Variants in EXD2 observed in about 807,000 individuals in gnomAD.
EXD2 encodes exonuclease 3'-5' domain containing 2, also known as exonuclease 3'-5' domain-containing protein 2.
Under a neutral mutation model 62.5 loss-of-function variants are expected in EXD2, and 40 were observed. The ratio of observed to expected loss-of-function variants is 0.64; its 90% CI spans 0.50 to 0.83. The LOEUF (loss-of-function observed/expected upper bound fraction) is 0.83, where lower values mean the gene tolerates loss of function less well. Ranked by LOEUF, EXD2 falls within the 40% of genes least tolerant of loss-of-function variation. EXD2 has a pLI of 0.00. For missense variants in EXD2, 671 were observed against 761.8 expected, an observed-to-expected ratio of 0.88 and a Z score of 1.40; for synonymous variants, 239 against 291.9, an observed-to-expected ratio of 0.82 and a Z score of 1.85.
intron 3 of EXD2, among the ~76,000 whole-genome samples, chr14:69,215,775 A>G (rs1343128707): frequency 1.3e-5 from 2 of 149,366 alleles, no homozygotes; most frequent in African/African-American, 2.5e-5. Context: ...TCATTTAGAT[A>G]TCCTCTTTTA....
chr14:69,232,859 T>A (rs2140021243), intron 5 of EXD2, among the ~76,000 whole-genome samples: 1 of 152,358 alleles, frequency 6.6e-6, no homozygotes, highest in South Asian at 2.1e-4. Flanking sequence ...CAATAGTTTT[T>A]AATTTTGATG....
Position 69,230,493 on chromosome 14 carries a change from G to C in EXD2, c.612G>C (p.Gly204=). ...MRQRNNLLCN[G]LSLKSLAETV... Reference sequence around the variant, plus strand: ...TTAGAAACAATTTGCTCTGTAATGGGCTTAGCCTGAAGTCCCTCGCTGAGA... The same window carrying C: ...TTAGAAACAATTTGCTCTGTAATGGCCTTAGCCTGAAGTCCCTCGCTGAGA... Residue 204 remains glycine (G), a synonymous_variant, in exon 5 of 10, where the codon GGG becomes GGC. Transcript: ENST00000685843. 6.2e-7 allele frequency: 1 copy of C among 1,612,792 alleles called. No homozygotes were observed.
chr14:69,201,010 G>A (rs1453623483), intron 1 of EXD2, among the ~76,000 whole-genome samples: 1 of 151,486 alleles, frequency 6.6e-6, no homozygotes, highest in Non-Finnish European at 1.5e-5. Context: ...GGAGGCAGAA[G>A]TTGCAGTGAG....
Position 69,237,622 on chromosome 14 carries a change from T to C in EXD2, c.1340T>C (p.Met447Thr). The change falls in exon 9 of 10, where the codon ATG (methionine) becomes ACG (threonine). Residue 447 changes from methionine (M) to threonine (T), a missense_variant. Transcript: ENST00000685843. ...HEYRKHFPIEMKDHNSHDVLL... is the reference protein window; with the variant it reads ...HEYRKHFPIETKDHNSHDVLL... Reference sequence around the variant, plus strand: ...TACCGGAAGCACTTCCCCATCGAGATGAAGGACCACAACTCCCACGATGTG... The same window carrying C: ...TACCGGAAGCACTTCCCCATCGAGACGAAGGACCACAACTCCCACGATGTG... The C allele has an allele frequency of 6.2e-7, 1 of 1,614,146 alleles. No individual in the cohort carries two copies. Among genetic ancestry groups the C allele is most frequent in the East Asian group, 2.2e-5 (1 of 44,886 alleles).
intron 3 of EXD2, among the ~76,000 whole-genome samples, chr14:69,210,944 A>T (rs944964118): frequency 6.6e-6 from 1 of 152,208 alleles, no homozygotes; most frequent in African/African-American, 2.4e-5. Flanking sequence ...AGCAAGTTGT[A>T]ATCTTTTTGC....
At chr14:69,194,610 G>A (rs1302957348) in intron 1 of EXD2, among the ~76,000 whole-genome samples, 1 of 151,974 alleles carries the variant, frequency 6.6e-6, no homozygotes, top group Non-Finnish European at 1.5e-5. Context: ...GCCTCCCAAA[G>A]TTCTGGAATT....
chr14:69,206,455 CTTTTTT>C lies in EXD2; in HGVS notation c.-48+2481_-48+2486del, dbSNP rs56333403. On this transcript the variant is annotated intron_variant, in intron 2 of 9. Coordinates refer to ENST00000685843, the MANE Select transcript of EXD2 (RefSeq NM_001193360.2). ...CCCAGCTTCATCTCCCACCCACCCA[CTTTTTT>C]TTTTTTTTTTTTTTTTTTTTTTTTT... is the stretch of plus-strand genomic sequence containing the variant. 2.0e-3 allele frequency among the ~76,000 whole-genome samples: 193 copies of C among 94,568 alleles called. 1 individual carries two copies. Among genetic ancestry groups the C allele is most frequent in the African/African-American group, 8.3e-3 (183 of 22,110 alleles). 62.0% of individuals were successfully genotyped at this position (94,568 alleles called of 152,430 possible).
At chr14:69,231,505 G>A (rs1045521241) in intron 5 of EXD2, among the ~76,000 whole-genome samples, 1 of 152,076 alleles carries the variant, frequency 6.6e-6, no homozygotes, top group Non-Finnish European at 1.5e-5. Flanking sequence ...TTATAGCTGA[G>A]TCACATAGTA....
At chr14:69,209,936 C>T in intron 3 of EXD2, 133 bp downstream of exon 3, 1 of 679,190 alleles carries the variant, frequency 1.5e-6, no homozygotes, top group South Asian at 2.8e-5. Context: ...TGCTTATAAG[C>T]AGATTTTAGC....
chr14:69,228,276 C>A (rs1336062855), intron 3 of EXD2, among the ~76,000 whole-genome samples: 1 of 145,048 alleles, frequency 6.9e-6, no homozygotes, highest in Non-Finnish European at 1.5e-5. Flanking sequence ...ACTGCAACCT[C>A]TGCCTCCCGG....
chr14:69,229,042 T>C lies in EXD2; in HGVS notation c.560T>C (p.Leu187Pro), dbSNP rs1051872432. ...TATGGCCTCGTTGTTAGGGGGTGCCTGGACCTCCGATACCTAGCCATGCGG... is the reference window on the plus strand; with the variant it reads ...TATGGCCTCGTTGTTAGGGGGTGCCCGGACCTCCGATACCTAGCCATGCGG... ...QDYGLVVRGCLDLRYLAMRQR... is the reference protein window; with the variant it reads ...QDYGLVVRGCPDLRYLAMRQR... The change falls in exon 4 of 10, where the codon CTG becomes CCG. Residue 187 changes from leucine (L) to proline (P), a missense_variant. Coordinates refer to ENST00000685843, the MANE Select transcript of EXD2 (RefSeq NM_001193360.2). 1.2e-6 allele frequency: 2 copies of C among 1,614,212 alleles called. No homozygotes were observed. The highest frequency in any genetic ancestry group is 1.7e-6 in the Non-Finnish European group (2 of 1,180,034).
chr14:69,239,746 T>C (rs1312151373), intron 9 of EXD2, among the ~76,000 whole-genome samples: 2 of 152,194 alleles, frequency 1.3e-5, no homozygotes, highest in African/African-American at 4.8e-5. Context: ...GGATTACAAG[T>C]GTGTGCCACC....
intron 2 of EXD2, among the ~76,000 whole-genome samples, chr14:69,208,633 A>T (rs1038116541): frequency 1.7e-4 from 26 of 152,248 alleles, no homozygotes; most frequent in African/African-American, 5.5e-4. Context: ...GCCACATGTT[A>T]CAGAAAAATG....
intron 2 of EXD2, among the ~76,000 whole-genome samples, chr14:69,206,234 C>T (rs1422152856): frequency 6.6e-6 from 1 of 151,746 alleles, no homozygotes; most frequent in Admixed American, 6.6e-5. Context: ...GAATTTTCCT[C>T]TTTCAAGGGA....
intron 3 of EXD2, among the ~76,000 whole-genome samples, chr14:69,222,798 A>AT (rs2043230920): frequency 1.3e-5 from 2 of 152,174 alleles, no homozygotes; most frequent in Admixed American, 1.3e-4. Context: ...TCTATCTTTC[A>AT]TTTTTGTAGT....
At chr14:69,232,940 GA>G (rs2140021646) in intron 5 of EXD2, among the ~76,000 whole-genome samples, 1 of 152,254 alleles carries the variant, frequency 6.6e-6, no homozygotes, top group African/African-American at 2.4e-5. Flanking sequence ...TCATAGTCAA[GA>G]AATCATTGCC....
Position 69,234,845 on chromosome 14 carries a change from T to C in EXD2, c.863T>C (p.Val288Ala), listed in dbSNP as rs2140030825. 6.2e-7 allele frequency: 1 copy of C among 1,614,162 alleles called. No individual in the cohort carries two copies. The highest frequency in any genetic ancestry group is 1.1e-5 in the South Asian group (1 of 91,082). The change falls in exon 6 of 10, where the codon GTC becomes GCC. Residue 288 changes from valine to alanine, a missense_variant. Physicochemically the swap from Val to Ala is moderately conservative, Grantham distance 64. Coordinates refer to ENST00000685843, the MANE Select transcript of EXD2 (RefSeq NM_001193360.2). ...GTCTTGGAAAAATGCCAGGGTGTGG[T>C]CGACATCCCATTTCGAAGCAAAGGA... Reference protein sequence around the residue: ...RKVLEKCQGVVDIPFRSKGMS... With the variant: ...RKVLEKCQGVADIPFRSKGMS...
chr14:69,215,020 A>G (rs543102119), intron 3 of EXD2, among the ~76,000 whole-genome samples: 3 of 152,130 alleles, frequency 2.0e-5, no homozygotes, highest in East Asian at 3.9e-4. Context: ...GGTGGCTAAC[A>G]CCTGTAATCT....
At chr14:69,223,085 G>A (rs1287634384) in intron 3 of EXD2, among the ~76,000 whole-genome samples, 2 of 152,138 alleles carry the variant, frequency 1.3e-5, no homozygotes, top group African/African-American at 2.4e-5. Flanking sequence ...TAAATACGTG[G>A]AGACCAAAAA....
Sources: gnomAD v4.1 joint callset for allele counts (sites outside exome capture counted in the v4.1 genomes callset) on GRCh38, gnomAD v4.1.1 for gene constraint, MANE v1.5 for transcripts, NCBI Gene and HGNC (gene_info 2026-07-23, HGNC 2026-07-21) for gene names.